The following EPHA5 variants were observed in gnomAD, a reference collection of about 807,000 sequenced individuals.
The protein encoded by EPHA5 is EPH receptor A5, also known as ephrin type-A receptor 5.
EPHA5 carries 60 observed loss-of-function variants against 105.0 expected under a neutral mutation model. The ratio of observed to expected loss-of-function variants is 0.57; its 90% CI spans 0.46 to 0.71. The LOEUF (loss-of-function observed/expected upper bound fraction) is 0.71. Among genes scored for constraint, EPHA5 ranks in the 30% least tolerant of loss-of-function variants. EPHA5 has a pLI of 0.00. For missense variants in EPHA5, 1,218 were observed against 1,274.7 expected (o/e 0.96, Z 0.68); for synonymous variants, 513 against 449.1 (o/e 1.14, Z -1.80).
chr4:65,647,446 G>A (rs1423825684), intron 1 of EPHA5, among the ~76,000 whole-genome samples: 1 of 151,220 alleles, frequency 6.6e-6, no homozygotes, highest in Non-Finnish European at 1.5e-5. Flanking sequence ...GGCAGTAATA[G>A]AGCATAGTCA....
At chr4:65,576,105 AAAG>A (rs1293759557) in intron 3 of EPHA5, among the ~76,000 whole-genome samples, 3,168 of 77,528 alleles carry the variant, frequency 0.041, 125 homozygotes, top group Non-Finnish European at 0.052. Flanking sequence ...AAAGAAAAGA[AAAG>A]AAAAGAAAAA....
intron 2 of EPHA5, among the ~76,000 whole-genome samples, chr4:65,615,760 T>G (rs1216261332): frequency 1.3e-5 from 2 of 151,800 alleles, no homozygotes; most frequent in African/African-American, 2.4e-5. Flanking sequence ...TTGAAATGAA[T>G]AAAAAATCAT....
chr4:65,613,969 G>A (rs1293840302), intron 2 of EPHA5, among the ~76,000 whole-genome samples: 2 of 151,750 alleles, frequency 1.3e-5, no homozygotes, highest in Admixed American at 6.6e-5. Context: ...ATATTTTGTT[G>A]CACTTTAATA....
intron 1 of EPHA5, among the ~76,000 whole-genome samples, chr4:65,651,169 A>G (rs76060090): frequency 0.038 from 5,742 of 152,294 alleles, 143 homozygotes; most frequent in Non-Finnish European, 0.054. Flanking sequence ...TCATCGAGAG[A>G]AAATAAGTAG....
intron 3 of EPHA5, among the ~76,000 whole-genome samples, chr4:65,591,777 T>C (rs1241294609): frequency 1.3e-5 from 2 of 152,074 alleles, no homozygotes; most frequent in African/African-American, 4.8e-5. Context: ...AATGTTAAAA[T>C]GACAATGCTT....
chr4:65,413,395 G>A (rs918946662), intron 7 of EPHA5, among the ~76,000 whole-genome samples: 1 of 151,996 alleles, frequency 6.6e-6, no homozygotes, highest in African/African-American at 2.4e-5. Flanking sequence ...AGAAGATCTT[G>A]ATTTTCAAAG....
intron 5 of EPHA5, among the ~76,000 whole-genome samples, chr4:65,480,059 A>G (rs1430632765): frequency 1.3e-5 from 2 of 152,120 alleles, no homozygotes; most frequent in Admixed American, 1.3e-4. Context: ...AACACATGAG[A>G]TACAAACAAA....
intron 2 of EPHA5, among the ~76,000 whole-genome samples, chr4:65,642,402 C>A (rs1254224978): frequency 6.6e-6 from 1 of 151,912 alleles, no homozygotes; most frequent in East Asian, 1.9e-4. Context: ...TTGAGCCTGG[C>A]TCTACCTGGG....
intron 8 of EPHA5, among the ~76,000 whole-genome samples, chr4:65,380,331 T>C (rs531641975): frequency 6.6e-6 from 1 of 151,940 alleles, no homozygotes; most frequent in South Asian, 2.1e-4. Flanking sequence ...TAAAATATGA[T>C]AGCATAATCT....
chr4:65,605,555 G>C (rs914705414), intron 2 of EPHA5, among the ~76,000 whole-genome samples: 4 of 152,152 alleles, frequency 2.6e-5, no homozygotes, highest in African/African-American at 9.7e-5. Flanking sequence ...ACAGTAGGAA[G>C]CATCATGTGA....
At chr4:65,669,116 A>C (rs1201811007) in intron 1 of EPHA5, among the ~76,000 whole-genome samples, 6 of 151,964 alleles carry the variant, frequency 3.9e-5, no homozygotes, top group Admixed American at 3.9e-4. Flanking sequence ...CTGGCCTCAA[A>C]TAACGGTTTC....
intron 5 of EPHA5, among the ~76,000 whole-genome samples, chr4:65,470,180 TTTTTC>T (rs1207994654): frequency 6.6e-6 from 1 of 150,648 alleles, no homozygotes; most frequent in East Asian, 2.0e-4. Context: ...AAGAGTTTTC[TTTTTC>T]TTTCTTTGTT....
At chr4:65,325,115 A>T (rs1719952052) in intron 16 of EPHA5, among the ~76,000 whole-genome samples, 1 of 151,382 alleles carries the variant, frequency 6.6e-6, no homozygotes, top group Non-Finnish European at 1.5e-5. Context: ...TAAATGACAA[A>T]GATGTTTGCC....
At position 65,398,345 on chromosome 4, in the gene EPHA5, C is replaced by T. The variant is rs145867760; in HGVS notation, c.1793+6029G>A. 6.4e-3 allele frequency among the ~76,000 whole-genome samples: 973 copies of T among 152,250 alleles called. 6 individuals carry two copies. Among genetic ancestry groups the T allele is most frequent in the Admixed American group, 0.03 (455 of 15,300 alleles). On this transcript the variant is annotated intron_variant, in intron 8 of 16. Transcript: ENST00000613740. ...TCTGGACTTTGGGCACCAAAGAGCA[C>T]AGGAGAGAGTTGAGGGAAATCTGAG...
intron 5 of EPHA5, among the ~76,000 whole-genome samples, chr4:65,432,272 G>A (rs1431578658): frequency 6.6e-6 from 1 of 152,100 alleles, no homozygotes; most frequent in African/African-American, 2.4e-5. Context: ...TTTGCTTTTT[G>A]AAGTAATGGC....
At chr4:65,364,023 C>T (rs1211084557) in intron 11 of EPHA5, among the ~76,000 whole-genome samples, 3 of 151,472 alleles carry the variant, frequency 2.0e-5, no homozygotes, top group Admixed American at 6.6e-5. Context: ...GCAATTTACA[C>T]TTTTCTAATA....
At chr4:65,480,506 G>C (rs868471108) in intron 5 of EPHA5, among the ~76,000 whole-genome samples, 1 of 152,024 alleles carries the variant, frequency 6.6e-6, no homozygotes, top group Non-Finnish European at 1.5e-5. Context: ...CGAAGTTCTC[G>C]TTTTTGGCTT....
chr4:65,355,582 T>C (rs1456863989), intron 11 of EPHA5, among the ~76,000 whole-genome samples: 1 of 151,564 alleles, frequency 6.6e-6, no homozygotes, highest in Non-Finnish European at 1.5e-5. Context: ...CTTTCAAGAA[T>C]ACAAAACTAA....
intron 5 of EPHA5, among the ~76,000 whole-genome samples, chr4:65,432,180 C>T (rs183207481): frequency 2.6e-5 from 4 of 152,060 alleles, no homozygotes; most frequent in South Asian, 4.2e-4. Flanking sequence ...AAAAATGATA[C>T]AAAAATAACC....
Sources: gnomAD v4.1 joint callset for allele counts (sites outside exome capture counted in the v4.1 genomes callset) on GRCh38, gnomAD v4.1.1 for gene constraint, MANE v1.5 for transcripts, NCBI Gene and HGNC (gene_info 2026-07-23, HGNC 2026-07-21) for gene names.